Variants in SLCO1B3 observed in about 807,000 individuals in gnomAD.
SLCO1B3 encodes liver-specific organic anion transporter 2.
In SLCO1B3, 72 loss-of-function variants were observed where a neutral mutation model predicts 71.8. The observed-to-expected ratio is 1.00, with a 90% CI of 0.83 to 1.22. The LOEUF (loss-of-function observed/expected upper bound fraction) is 1.22. Among genes scored for constraint, SLCO1B3 ranks in the 50% most tolerant of loss-of-function variants. SLCO1B3 has a pLI of 0.00. For missense variants in SLCO1B3, 911 were observed against 819.7 expected (o/e 1.11, Z -1.36); for synonymous variants, 298 against 278.4 (o/e 1.07, Z -0.70).
chr12:20,879,291 C>G, intron 10 of SLCO1B3, 145 bp from the exon 11 acceptor site: 1 of 439,724 alleles, frequency 2.3e-6, no homozygotes, highest in Middle Eastern at 6.5e-4. Context: ...TCACTGCAAG[C>G]TCCGCCTCCC....
At position 20,916,671 on chromosome 12, in the gene SLCO1B3, TGTTAA is replaced by T. The variant is rs1205715159; in HGVS notation, c.*428_*432del. ...ATTTATGCTATAATATATATTTTCA[TGTTAA>T]GTTGTATATTTTTCAGAAATTATAA... On this transcript the variant is annotated 3_prime_UTR_variant, in exon 16 of 16. Coordinates refer to ENST00000381545, the MANE Select transcript of SLCO1B3 (RefSeq NM_019844.4). 4 of 152,236 alleles carry T rather than the reference TGTTAA, an allele frequency of 2.6e-5. No homozygotes were observed. The highest frequency in any genetic ancestry group is 4.8e-5 in the African/African-American group (2 of 41,450). The allele number at this position is 152,236 out of a possible 1,614,324, so 9.4% of individuals were successfully genotyped here.
chr12:20,853,122 C>A (rs1865056299), intron 3 of SLCO1B3, among the ~76,000 whole-genome samples: 1 of 152,028 alleles, frequency 6.6e-6, no homozygotes, highest in South Asian at 2.1e-4. Context: ...TTTGCTGGAT[C>A]ATGATGTGAT....
At chr12:20,853,491 T>C (rs757992432) in intron 3 of SLCO1B3, among the ~76,000 whole-genome samples, 1 of 152,072 alleles carries the variant, frequency 6.6e-6, no homozygotes, top group Non-Finnish European at 1.5e-5. Context: ...TATTCATTTA[T>C]TCTATGTTTT....
chr12:20,820,154 G>T (rs192589331), intron 3 of SLCO1B3, among the ~76,000 whole-genome samples: 1 of 152,130 alleles, frequency 6.6e-6, no homozygotes, highest in Non-Finnish European at 1.5e-5. Context: ...GTAATGTGGA[G>T]TGGGTAGCCT....
intron 13 of SLCO1B3, among the ~76,000 whole-genome samples, chr12:20,885,679 G>A (rs1865780972): frequency 6.6e-6 from 1 of 151,902 alleles, no homozygotes; most frequent in South Asian, 2.1e-4. Flanking sequence ...AGGCAAGGTA[G>A]AGCAAAGACA....
At chr12:20,915,980 ACT>A (rs745348780) in intron 15 of SLCO1B3, 22 bp from the exon 16 acceptor site, 4 of 1,545,046 alleles carry the variant, frequency 2.6e-6, no homozygotes, top group South Asian at 1.2e-5. Flanking sequence ...ATAATAATCG[ACT>A]CTCTATTTTC....
rs1866494695 is a variant in SLCO1B3, at chr12:20,916,241, C to T, written c.2103C>T (p.Ala701=). The change falls in exon 16 of 16, where the codon GCC becomes GCT. Residue 701 remains alanine, a synonymous_variant. Transcript: ENST00000381545. ...CNLDMQDNAA[A]N ...TGGACATGCAAGACAATGCTGCTGC[C>T]AACTAACATTGCATTGATTCATTAA... is the stretch of plus-strand genomic sequence containing the variant. The T allele has an allele frequency of 6.2e-7, 1 of 1,611,936 alleles. No homozygotes were observed. The highest frequency in any genetic ancestry group is 2.2e-5 in the East Asian group (1 of 44,758).
At chr12:20,810,787 A>C (rs1327159575) in intron 1 of SLCO1B3, 23 bp downstream of exon 1, 2 of 152,314 alleles carry the variant, frequency 1.3e-5, no homozygotes, top group African/African-American at 4.8e-5. Flanking sequence ...GAGGTTGTCT[A>C]ATTAAAACAT....
Position 20,861,147 on chromosome 12 carries a change from TAATAGTGACAGTAA to T in SLCO1B3, c.481+12_481+25del, listed in dbSNP as rs766220111. The T allele has an allele frequency of 5.5e-5, 86 of 1,564,242 alleles. No individual in the cohort carries two copies. In the East Asian group the frequency reaches 1.9e-3, roughly 35 times the overall value. On this transcript the variant is annotated intron_variant, in intron 6 of 15. Coordinates refer to ENST00000381545, the MANE Select transcript of SLCO1B3 (RefSeq NM_019844.4). ...TGAGATAGTAGAAAAAGGTAAGAAT[TAATAGTGACAGTAA>T]AACAAATTCTAGATTGATAGATTTA...
intron 3 of SLCO1B3, among the ~76,000 whole-genome samples, chr12:20,848,623 A>C (rs1864962381): frequency 6.6e-6 from 1 of 152,178 alleles, no homozygotes; most frequent in African/African-American, 2.4e-5. Flanking sequence ...AAACTGTGAT[A>C]CAGTCAAACA....
intron 7 of SLCO1B3, 24 bp downstream of exon 7, chr12:20,862,582 T>A: frequency 6.4e-7 from 1 of 1,571,458 alleles, no homozygotes; most frequent in Non-Finnish European, 8.7e-7. Context: ...TATATTAAAT[T>A]TCATGATTAC....
At chr12:20,814,349 A>G (rs2138334) in intron 2 of SLCO1B3, among the ~76,000 whole-genome samples, 68,996 of 151,894 alleles carry the variant, frequency 0.45, 17,970 homozygotes, top group South Asian at 0.65. Context: ...TACAGATATG[A>G]CCACACAGAA....
intron 13 of SLCO1B3, among the ~76,000 whole-genome samples, chr12:20,889,617 T>C (rs1222854275): frequency 6.6e-6 from 1 of 152,148 alleles, no homozygotes; most frequent in Non-Finnish European, 1.5e-5. Flanking sequence ...TAGTAAGCTA[T>C]CTATCTTACT....
chr12:20,870,706 A>G (rs1409761628), intron 8 of SLCO1B3, among the ~76,000 whole-genome samples: 3 of 152,156 alleles, frequency 2.0e-5, no homozygotes, highest in African/African-American at 7.2e-5. Flanking sequence ...CCAGTACTGT[A>G]ATGTATTAAT....
intron 11 of SLCO1B3, among the ~76,000 whole-genome samples, chr12:20,880,537 T>G (rs1565600341): frequency 6.6e-6 from 1 of 151,404 alleles, no homozygotes; most frequent in Non-Finnish European, 1.5e-5. Flanking sequence ...GATAGAATGA[T>G]AAAGACCTCT....
chr12:20,852,736 C>A (rs1287327649), intron 3 of SLCO1B3, among the ~76,000 whole-genome samples: 1 of 151,972 alleles, frequency 6.6e-6, no homozygotes, highest in Non-Finnish European at 1.5e-5. Context: ...TTGAAATGTT[C>A]ATTGGTAGTG....
intron 15 of SLCO1B3, among the ~76,000 whole-genome samples, chr12:20,914,424 C>T (rs1866450393): frequency 6.6e-6 from 1 of 151,932 alleles, no homozygotes; most frequent in Non-Finnish European, 1.5e-5. Flanking sequence ...TTCTTCTTTC[C>T]TACACATTGT....
At position 20,916,192 on chromosome 12, in the gene SLCO1B3, G is replaced by A. The variant is rs866655487; in HGVS notation, c.2054G>A (p.Gly685Glu). ...NNGEHFVPSA[G>E]TDSKTCNLDM... ...GGTGAACATTTTGTACCTTCTGCTGGAACAGATAGTAAAACATGTAATTTG... is the reference window on the plus strand; with the variant it reads ...GGTGAACATTTTGTACCTTCTGCTGAAACAGATAGTAAAACATGTAATTTG... Residue 685 changes from glycine (G) to glutamate (E), a missense_variant, in exon 16 of 16, where the codon GGA becomes GAA. Gly to Glu is a moderately conservative substitution (Grantham distance 98). Coordinates refer to ENST00000381545, the MANE Select transcript of SLCO1B3 (RefSeq NM_019844.4). 6.2e-7 allele frequency: 1 copy of A among 1,611,874 alleles called. No homozygotes were observed.
chr12:20,824,893 A>G (rs1269385681), intron 3 of SLCO1B3, among the ~76,000 whole-genome samples: 2 of 152,186 alleles, frequency 1.3e-5, no homozygotes, highest in Admixed American at 1.3e-4. Flanking sequence ...TTAATATGAT[A>G]ATATAGGCTC....
Sources: gnomAD v4.1 joint callset for allele counts (sites outside exome capture counted in the v4.1 genomes callset) on GRCh38, gnomAD v4.1.1 for gene constraint, MANE v1.5 for transcripts, NCBI Gene and HGNC (gene_info 2026-07-23, HGNC 2026-07-21) for gene names.